Variants in CLTC observed in about 807,000 individuals in gnomAD.
CLTC encodes clathrin heavy chain.
Under a neutral mutation model 195.8 loss-of-function variants are expected in CLTC, and 16 were observed. The ratio of observed to expected loss-of-function variants is 0.08; its 90% CI spans 0.06 to 0.12. CLTC has a LOEUF of 0.12. CLTC is among the 10% of genes least tolerant of loss of function. CLTC has a pLI of 1.00. For missense variants in CLTC, 796 were observed against 2,027.0 expected (o/e 0.39, Z 11.66); for synonymous variants, 667 against 689.4 (o/e 0.97, Z 0.51).
intron 6 of CLTC, among the ~76,000 whole-genome samples, chr17:59,656,825 C>T (rs1198147078): frequency 2.6e-5 from 4 of 151,872 alleles, no homozygotes; most frequent in African/African-American, 9.7e-5. Context: ...AGATGTGAGT[C>T]ACTGCACCCG....
In CLTC at chr17:59,673,734, A is replaced by C; in HGVS notation, c.2380A>C (p.Asn794His). The stretch of plus-strand genomic sequence containing the variant: ...TGATTTGGTGCTCTATTTATATAGA[A>C]ATAATCTTCAAAAGTATATAGAGAT... The part of the protein sequence containing the change: ...VHDLVLYLYR[N>H]NLQKYIEIYV... Residue 794 changes from asparagine to histidine, a missense_variant, in exon 15 of 32, where the codon AAT (asparagine) becomes CAT (histidine). Asn to His is a moderately conservative substitution (Grantham distance 68, BLOSUM62 1). Transcript: ENST00000269122. 7.0e-7 allele frequency: 1 copy of C among 1,424,428 alleles called. No homozygotes were observed. The highest frequency in any genetic ancestry group is 9.9e-7 in the Non-Finnish European group (1 of 1,007,602). 88.2% of individuals were successfully genotyped at this position (1,424,428 alleles called of 1,614,324 possible).
At chr17:59,676,568 G>A (rs2032970988) in intron 16 of CLTC, among the ~76,000 whole-genome samples, 1 of 152,128 alleles carries the variant, frequency 6.6e-6, no homozygotes, top group Non-Finnish European at 1.5e-5. Context: ...AGATAAACCT[G>A]GGAGAGTGAA....
intron 5 of CLTC, among the ~76,000 whole-genome samples, chr17:59,653,199 T>A (rs537777104): frequency 9.2e-5 from 14 of 151,352 alleles, no homozygotes; most frequent in African/African-American, 3.4e-4. Context: ...TTATTTTATT[T>A]ATTTTTTTTT....
rs772003265 is a variant in CLTC at position 59,660,564 on chromosome 17, A to G, written c.1143A>G (p.Ala381=). ...CCCAGGGAAATTACTCGGAGGCAGC[A>G]AAGGTGGCTGCTAATGCACCAAAGG... The part of the protein sequence containing the change: ...LFAQGNYSEA[A]KVAANAPKGI... The change falls in exon 7 of 32, where the codon GCA becomes GCG. Residue 381 remains alanine (A), a synonymous_variant. Transcript: ENST00000269122. The G allele has an allele frequency of 6.2e-7, 1 of 1,614,162 alleles. No individual in the cohort carries two copies. Among genetic ancestry groups the G allele is most frequent in the Non-Finnish European group, 8.5e-7 (1 of 1,179,980 alleles).
chr17:59,691,817 T>G (rs1171041467), intron 31 of CLTC, among the ~76,000 whole-genome samples: 1 of 151,808 alleles, frequency 6.6e-6, no homozygotes, highest in Non-Finnish European at 1.5e-5. Context: ...GCAAGATGTT[T>G]GACATGTTTG....
Position 59,682,629 on chromosome 17 carries a change from G to T in CLTC, c.3601G>T (p.Val1201Phe). 1 of 1,606,536 alleles carries T rather than the reference G, an allele frequency of 6.2e-7. No homozygotes were observed. The change falls in exon 23 of 32, where the codon GTT becomes TTT. Residue 1201 changes from valine (V) to phenylalanine (F), a missense_variant and splice_region_variant. Around this residue, in one of 9 missense-constraint regions of CLTC, gnomAD observed 102 missense variants for 317.6 expected, o/e 0.32. Transcript: ENST00000269122. The surrounding 1 kb of genome is among the most constrained non-coding windows in gnomAD (Gnocchi z 6.8). ...ATGTGGGTTACCTTTTTTTTTCCAG[G>T]TTGGTGACCGTTGTTATGATGAAAA... ...NGPNNAHIQQ[V>F]GDRCYDEKMY... is the part of the protein sequence containing the mutation.
intron 14 of CLTC, among the ~76,000 whole-genome samples, chr17:59,670,362 G>A (rs1475298923): frequency 2.6e-5 from 4 of 151,890 alleles, no homozygotes; most frequent in Non-Finnish European, 5.9e-5. Context: ...TGTCATGGGG[G>A]TTTGTTGTAC....
At chr17:59,670,734 A>C (rs546686656) in intron 14 of CLTC, among the ~76,000 whole-genome samples, 14 of 152,320 alleles carry the variant, frequency 9.2e-5, no homozygotes, top group Admixed American at 7.9e-4. Context: ...CTTTAAAAAA[A>C]ATCCTCTAGT....
chr17:59,673,855 G>C, intron 15 of CLTC, 83 bp downstream of exon 15: 1 of 795,596 alleles, frequency 1.3e-6, no homozygotes, highest in Non-Finnish European at 2.0e-6. Flanking sequence ...TTGAAACTCT[G>C]TGCTCAATAA....
chr17:59,679,373 A>G (rs2143586375), intron 17 of CLTC, 24 bp from the exon 18 acceptor site: 1 of 1,571,898 alleles, frequency 6.4e-7, no homozygotes, highest in Admixed American at 1.8e-5. Context: ...TTACCTTGAA[A>G]TTAATCTATC....
chr17:59,685,163 C>G lies in CLTC; in HGVS notation c.4542C>G (p.Leu1514=). 6.2e-7 allele frequency: 1 copy of G among 1,612,440 alleles called. No individual in the cohort carries two copies. Among genetic ancestry groups the G allele is most frequent in the Non-Finnish European group, 8.5e-7 (1 of 1,178,860 alleles). The change falls in exon 29 of 32, where the codon CTC becomes CTG. Residue 1514 remains leucine (L), a synonymous_variant. Transcript: ENST00000269122. The surrounding 1 kb of genome is among the most constrained non-coding windows in gnomAD (Gnocchi z 5.0). ...LIEFRRIAAY[L]FKGNNRWKQS... ...AGTTCAGGAGAATTGCTGCTTATCT[C>G]TTCAAAGGCAACAATCGCTGGAAAC...
At chr17:59,638,943 G>A (rs2031950467) in intron 1 of CLTC, among the ~76,000 whole-genome samples, 1 of 152,158 alleles carries the variant, frequency 6.6e-6, no homozygotes, top group African/African-American at 2.4e-5. Flanking sequence ...GGAAGGAGAT[G>A]CATTTTAAAA....
intron 30 of CLTC, chr17:59,687,111 C>A: frequency 1.6e-6 from 1 of 632,104 alleles, no homozygotes; most frequent in Non-Finnish European, 2.0e-6. Flanking sequence ...TACACTGCTG[C>A]TGCTGCTTTT....
chr17:59,690,974 G>A (rs2033283987), intron 31 of CLTC: 2 of 365,152 alleles, frequency 5.5e-6, no homozygotes, highest in Non-Finnish European at 9.8e-6. Flanking sequence ...GGTCCCTCAC[G>A]CATTACCTGC....
intron 1 of CLTC, among the ~76,000 whole-genome samples, chr17:59,632,351 G>A (rs1479966257): frequency 5.1e-5 from 6 of 117,594 alleles, no homozygotes; most frequent in Non-Finnish European, 1.0e-4. Flanking sequence ...CTGGGCGAAA[G>A]AGCAAGAATC....
intron 6 of CLTC, among the ~76,000 whole-genome samples, chr17:59,659,591 C>T (rs571189005): frequency 3.4e-4 from 52 of 151,786 alleles, no homozygotes; most frequent in South Asian, 6.2e-4. Flanking sequence ...ACTACAGGCG[C>T]GTGCCACCAT....
intron 5 of CLTC, among the ~76,000 whole-genome samples, chr17:59,652,909 A>G (rs1034628239): frequency 1.3e-5 from 2 of 152,222 alleles, no homozygotes; most frequent in Non-Finnish European, 2.9e-5. Flanking sequence ...GCCACCTTCA[A>G]TGATCTTAGC....
intron 3 of CLTC, 145 bp downstream of exon 3, chr17:59,647,811 C>T (rs2143506675): frequency 1.4e-6 from 1 of 698,302 alleles, no homozygotes; most frequent in East Asian, 2.7e-5. Flanking sequence ...TCCTTCCTCC[C>T]ATCCCTTCTC....
intron 1 of CLTC, among the ~76,000 whole-genome samples, chr17:59,624,294 T>C (rs1044108815): frequency 1.3e-5 from 2 of 152,094 alleles, no homozygotes; most frequent in Non-Finnish European, 2.9e-5. Flanking sequence ...AGTTATACAG[T>C]ATCCTAGAGT....
Sources: gnomAD v4.1 joint callset for allele counts (sites outside exome capture counted in the v4.1 genomes callset) on GRCh38, gnomAD v4.1.1 for gene constraint, gnomAD v4.1.1 regional missense constraint, Gnocchi (gnomAD v3.1) non-coding constraint, MANE v1.5 for transcripts, NCBI Gene and HGNC (gene_info 2026-07-23, HGNC 2026-07-21) for gene names.